The following GPX5 variants were observed in gnomAD, a reference collection of about 807,000 sequenced individuals.
The protein encoded by GPX5 is epididymal secretory glutathione peroxidase.
A neutral mutation model predicts 23.8 loss-of-function variants in GPX5; 20 were observed. The ratio of observed to expected loss-of-function variants is 0.84; its 90% CI spans 0.59 to 1.22. The LOEUF (loss-of-function observed/expected upper bound fraction) is 1.22, where lower values mean the gene tolerates loss of function less well. Among genes scored for constraint, GPX5 ranks in the 50% most tolerant of loss-of-function variants. GPX5 has a pLI of 0.00. For synonymous variants in GPX5, 92 were observed against 99.5 expected (o/e 0.92, Z 0.45); for missense variants, 230 against 266.6 (o/e 0.86, Z 0.96).
At chr6:28,532,201 C>G in intron 3 of GPX5, 120 bp from the exon 4 acceptor site, 1 of 682,538 alleles carries the variant, frequency 1.5e-6, no homozygotes, top group South Asian at 2.0e-5. Context: ...CATATTCCTC[C>G]CCACCCACAA....
intron 3 of GPX5, among the ~76,000 whole-genome samples, 197 bp from the exon 4 acceptor site, chr6:28,532,124 G>C (rs1038443066): frequency 6.6e-6 from 1 of 152,134 alleles, no homozygotes; most frequent in African/African-American, 2.4e-5. Context: ...AGGGATGGAG[G>C]AAAAGAGACA....
intron 1 of GPX5, among the ~76,000 whole-genome samples, chr6:28,528,974 C>T (rs1302713405): frequency 1.3e-5 from 2 of 150,522 alleles, no homozygotes; most frequent in African/African-American, 4.9e-5. Flanking sequence ...CTCCTTTGTG[C>T]TACAAACAAT....
At chr6:28,533,487 G>A (rs1220250018) in intron 4 of GPX5, among the ~76,000 whole-genome samples, 2 of 152,124 alleles carry the variant, frequency 1.3e-5, no homozygotes, top group African/African-American at 2.4e-5. Flanking sequence ...TGACCCACAC[G>A]CAGTTTATTC....
At chr6:28,531,431 C>A (rs1763319230) in intron 2 of GPX5, among the ~76,000 whole-genome samples, 2 of 139,086 alleles carry the variant, frequency 1.4e-5, no homozygotes, top group East Asian at 2.1e-4. Flanking sequence ...AAAGAAAAGT[C>A]ACCTGTTGAA....
chr6:28,525,957 C>A lies in GPX5; in HGVS notation c.-57C>A. The A allele has an allele frequency of 1.6e-6, 2 of 1,273,408 alleles. No homozygotes were observed. The highest frequency in any genetic ancestry group is 1.1e-6 in the Non-Finnish European group (1 of 871,428). The allele number at this position is 1,273,408 out of a possible 1,614,324, so 78.9% of individuals were successfully genotyped here. ...AAGTCCCTGCCAAGATACCAAAAGA[C>A]TGCAGAGGTGGGCAAAGACCTCAGG... On this transcript the variant is annotated 5_prime_UTR_variant, in exon 1 of 5. The change creates a new upstream start codon in the 5' untranslated region. Transcript: ENST00000412168.
intron 4 of GPX5, among the ~76,000 whole-genome samples, 154 bp from the exon 5 acceptor site, chr6:28,533,807 A>G (rs114634267): frequency 3.3e-5 from 5 of 152,220 alleles, no homozygotes; most frequent in Admixed American, 6.5e-5. Context: ...TAGTTGGCAT[A>G]GTGGTGATTC....
intron 1 of GPX5, among the ~76,000 whole-genome samples, chr6:28,529,093 CTT>C (rs57862879): frequency 6.7e-6 from 1 of 148,676 alleles, no homozygotes; most frequent in Non-Finnish European, 1.5e-5. Context: ...TTCTAACTAT[CTT>C]TTTTTTTTCT....
chr6:28,530,982 C>G lies in GPX5; in HGVS notation c.242-796C>G, dbSNP rs147682075. 4.1e-3 allele frequency among the ~76,000 whole-genome samples: 617 copies of G among 152,212 alleles called. 7 individuals carry two copies. The highest frequency in any genetic ancestry group is 0.018 in the Admixed American group (280 of 15,290). Reference sequence around the variant, plus strand: ...AGTTGGAAAACTTCCTGGTAGTGGACGAAGGCAGCTGAAGCTTGTTTTTCA... The same window carrying G: ...AGTTGGAAAACTTCCTGGTAGTGGAGGAAGGCAGCTGAAGCTTGTTTTTCA... On this transcript the variant is annotated intron_variant, in intron 2 of 4. Coordinates refer to ENST00000412168, the MANE Select transcript of GPX5 (RefSeq NM_001509.3).
At chr6:28,526,401 G>T (rs1763208937) in intron 1 of GPX5, among the ~76,000 whole-genome samples, 1 of 152,160 alleles carries the variant, frequency 6.6e-6, no homozygotes, top group African/African-American at 2.4e-5. Flanking sequence ...TTCAGAGCTG[G>T]GTCTGAGGCT....
Position 28,532,307 on chromosome 6 carries a change from A to G in GPX5, c.360-14A>G, listed in dbSNP as rs368191059. On this transcript the variant is annotated splice_polypyrimidine_tract_variant and intron_variant, in intron 3 of 4. Coordinates refer to ENST00000412168, the MANE Select transcript of GPX5 (RefSeq NM_001509.3). Reference sequence around the variant, plus strand: ...TATCCTGGAGCTTCCTGGGAACATTATGGCTTGTTGCAGGTATGTCCGTCC... The same window carrying G: ...TATCCTGGAGCTTCCTGGGAACATTGTGGCTTGTTGCAGGTATGTCCGTCC... The G allele has an allele frequency of 2.3e-5, 34 of 1,502,418 alleles. No homozygotes were observed. The African/African-American group carries it at 3.9e-4, about 17-fold the overall frequency. 93.1% of individuals were successfully genotyped at this position (1,502,418 alleles called of 1,614,324 possible).
chr6:28,529,130 C>T (rs937089684), intron 1 of GPX5, among the ~76,000 whole-genome samples: 1 of 151,706 alleles, frequency 6.6e-6, no homozygotes, highest in Non-Finnish European at 1.5e-5. Flanking sequence ...ACCTCCCTTC[C>T]ACCCTCCTAG....
At chr6:28,533,229 A>C (rs448450) in intron 4 of GPX5, among the ~76,000 whole-genome samples, 28,651 of 152,174 alleles carry the variant, frequency 0.19, 3,520 homozygotes, top group East Asian at 0.49. Context: ...GAGCTGAAAC[A>C]ACCCTAAAGA....
chr6:28,529,709 A>T (rs1763277487), intron 2 of GPX5, 105 bp downstream of exon 2: 2 of 911,978 alleles, frequency 2.2e-6, no homozygotes, highest in Admixed American at 6.2e-5. Context: ...GTACCAAAAT[A>T]AATACTCATA....
chr6:28,529,489 CTA>C lies in GPX5; in HGVS notation c.128_129del (p.Tyr43Ter). 6.2e-7 allele frequency: 1 copy of C among 1,613,266 alleles called. No individual in the cohort carries two copies. Among genetic ancestry groups the C allele is most frequent in the South Asian group, 1.1e-5 (1 of 90,966 alleles). Reference sequence around the variant, plus strand: ...AAGACGAGAAAGGCACCATCTATGACTATGAGGCCATCGCACTTAATAAGAAT... The same window carrying C: ...AAGACGAGAAAGGCACCATCTATGACTGAGGCCATCGCACTTAATAAGAAT... ...HKDEKGTIYD[Y>X]EAIALNKNEY... On this transcript the variant is annotated frameshift_variant, in exon 2 of 5. Transcript: ENST00000412168. LOFTEE classifies it high-confidence loss of function.
chr6:28,533,806 T>C (rs1250029708), intron 4 of GPX5, among the ~76,000 whole-genome samples, 155 bp from the exon 5 acceptor site: 1 of 152,182 alleles, frequency 6.6e-6, no homozygotes, highest in African/African-American at 2.4e-5. Context: ...GTAGTTGGCA[T>C]AGTGGTGATT....
Position 28,526,019 on chromosome 6 carries a change from T to C in GPX5, c.6T>C (p.Thr2=). ...GCAATCTACAAACACTAGTCATGAC[T>C]ACACAGTTAAGGGTCGTCCATCTGC... The part of the protein sequence containing the change: M[T]TQLRVVHLLP... The change falls in exon 1 of 5, where the codon ACT becomes ACC. Residue 2 remains threonine, a synonymous_variant. Transcript: ENST00000412168. The C allele has an allele frequency of 1.9e-6, 3 of 1,611,514 alleles. No individual in the cohort carries two copies. The highest frequency in any genetic ancestry group is 2.5e-6 in the Non-Finnish European group (3 of 1,178,742).
At position 28,534,384 on chromosome 6, in the gene GPX5, G is replaced by A; in HGVS notation, c.*217G>A. On this transcript the variant is annotated 3_prime_UTR_variant, in exon 5 of 5. Transcript: ENST00000412168. ...CTGCTCTTTTGCCTCTCAAGAGTAT[G>A]TGGGTGAAGACTGAAACAAATGGAA... 2.3e-6 allele frequency: 1 copy of A among 435,416 alleles called. No homozygotes were observed. The highest frequency in any genetic ancestry group is 4.0e-6 in the Non-Finnish European group (1 of 248,412). The allele number at this position is 435,416 out of a possible 1,614,324, so 27.0% of individuals were successfully genotyped here.
Position 28,528,853 on chromosome 6 carries a change from A to G in GPX5, c.88-598A>G, listed in dbSNP as rs201502868. Among the ~76,000 whole-genome samples the G allele has an allele frequency of 9.8e-4, 49 of 49,934 alleles. 3 individuals are homozygous for G. The South Asian group carries it at 0.01, about 10-fold the overall frequency. 32.8% of individuals were successfully genotyped at this position (49,934 alleles called of 152,430 possible). A position where few individuals can be genotyped will look rare whatever the true frequency, so the allele number is the denominator to read the frequency against. On this transcript the variant is annotated intron_variant, in intron 1 of 4. Coordinates refer to ENST00000412168, the MANE Select transcript of GPX5 (RefSeq NM_001509.3). ...TATATATATATATATATATATATAT[A>G]TATATATATATATATATATATATAT...
intron 1 of GPX5, among the ~76,000 whole-genome samples, chr6:28,526,319 G>A (rs560010556): frequency 6.6e-6 from 1 of 152,180 alleles, no homozygotes; most frequent in Admixed American, 6.5e-5. Context: ...ATATGACTAG[G>A]GAAGAAAGGG....
Sources: gnomAD v4.1 joint callset for allele counts (sites outside exome capture counted in the v4.1 genomes callset) on GRCh38, gnomAD v4.1.1 for gene constraint, MANE v1.5 for transcripts, NCBI Gene and HGNC (gene_info 2026-07-23, HGNC 2026-07-21) for gene names.